Variants in TBX15 observed in about 807,000 individuals in gnomAD.
TBX15 encodes T-box transcription factor TBX15.
TBX15 carries 18 observed loss-of-function variants against 53.9 expected under a neutral mutation model. The ratio of observed to expected loss-of-function variants is 0.33; its 90% confidence interval spans 0.23 to 0.49. TBX15 has a LOEUF of 0.49. TBX15 is among the 20% of genes least tolerant of loss of function. The pLI is 0.98. For synonymous variants in TBX15, 295 were observed against 278.0 expected, an observed-to-expected ratio of 1.06 and a Z score of -0.61; for missense variants, 692 against 749.5, an observed-to-expected ratio of 0.92 and a Z score of 0.90.
intron 6 of TBX15, among the ~76,000 whole-genome samples, chr1:118,904,354 T>C (rs1473581529): frequency 6.6e-6 from 1 of 152,200 alleles, no homozygotes; most frequent in African/African-American, 2.4e-5. Context: ...TCACTGGATC[T>C]GAAATAGAAT....
intron 7 of TBX15, among the ~76,000 whole-genome samples, chr1:118,888,106 T>C (rs1654014001): frequency 6.6e-6 from 1 of 152,204 alleles, no homozygotes; most frequent in Admixed American, 6.5e-5. Flanking sequence ...TATTCCACAA[T>C]TTGAGACAAG....
chr1:118,938,284 G>C lies in TBX15; in HGVS notation c.206-6452C>G, dbSNP rs191253202. 1.7e-4 allele frequency among the ~76,000 whole-genome samples: 26 copies of C among 152,232 alleles called. No homozygotes were observed. In the East Asian group the frequency reaches 4.8e-3, roughly 28 times the overall value. ...CCTCCAAGTTCTATTTGGGAAAAGG[G>C]AGTAACCTGAAGCTTGCAATTCCCA... On this transcript the variant is annotated intron_variant, in intron 1 of 7. Coordinates refer to ENST00000369429, the MANE Select transcript of TBX15 (RefSeq NM_001330677.2).
chr1:118,903,295 G>C (rs114577210), intron 6 of TBX15, among the ~76,000 whole-genome samples: 1,648 of 152,194 alleles, frequency 0.011, 30 homozygotes, highest in African/African-American at 0.038. Context: ...ATTGATGATG[G>C]CTTGAAATCA....
chr1:118,946,013 CT>C (rs1656335657), intron 1 of TBX15, among the ~76,000 whole-genome samples: 1 of 152,054 alleles, frequency 6.6e-6, no homozygotes, highest in Admixed American at 6.6e-5. Flanking sequence ...GCAGATTTCC[CT>C]TTTTATACCA....
intron 6 of TBX15, among the ~76,000 whole-genome samples, chr1:118,901,747 G>T (rs938697598): frequency 6.6e-6 from 1 of 152,034 alleles, no homozygotes; most frequent in Non-Finnish European, 1.5e-5. Flanking sequence ...TCAGTTTTTT[G>T]ATTGATCTGA....
intron 1 of TBX15, 31 bp downstream of exon 1, chr1:118,987,560 C>A: frequency 6.5e-7 from 1 of 1,535,364 alleles, no homozygotes; most frequent in Non-Finnish European, 8.8e-7. Context: ...CCTCTCCGCC[C>A]GCCTCCCGCG....
intron 1 of TBX15, among the ~76,000 whole-genome samples, chr1:118,983,857 G>A (rs985830337): frequency 2.6e-5 from 4 of 152,202 alleles, no homozygotes; most frequent in Non-Finnish European, 5.9e-5. Context: ...CTTGCCCCGC[G>A]CAAACACAAA....
intron 1 of TBX15, among the ~76,000 whole-genome samples, chr1:118,956,768 C>T (rs997866300): frequency 6.1e-5 from 9 of 146,662 alleles, no homozygotes; most frequent in East Asian, 4.1e-4. Flanking sequence ...CTGGCTAACA[C>T]GGTGAAACCC....
chr1:118,926,457 T>C (rs1248420223), intron 3 of TBX15, 53 bp downstream of exon 3: 4 of 1,483,994 alleles, frequency 2.7e-6, no homozygotes, highest in African/African-American at 1.4e-5. Context: ...TTTGAAGAAT[T>C]GTCTTGGAAT....
At chr1:118,901,401 G>A in intron 6 of TBX15, 1 of 456,518 alleles carries the variant, frequency 2.2e-6, no homozygotes, top group Non-Finnish European at 4.4e-6. Flanking sequence ...CCTCTTAAAG[G>A]TCCCATCTCT....
intron 6 of TBX15, among the ~76,000 whole-genome samples, chr1:118,906,954 C>G (rs981130847): frequency 2.6e-5 from 4 of 152,222 alleles, no homozygotes; most frequent in African/African-American, 9.6e-5. Context: ...CCATATAAAA[C>G]AACTTCCTTG....
intron 1 of TBX15, among the ~76,000 whole-genome samples, chr1:118,964,000 A>T (rs1345455787): frequency 6.6e-6 from 1 of 152,186 alleles, no homozygotes; most frequent in Non-Finnish European, 1.5e-5. Flanking sequence ...GACTACAGAC[A>T]TACATCCCAT....
chr1:118,949,048 G>A (rs1254255212), intron 1 of TBX15, among the ~76,000 whole-genome samples: 1 of 152,126 alleles, frequency 6.6e-6, no homozygotes, highest in African/African-American at 2.4e-5. Flanking sequence ...GTCAGCTCTA[G>A]CCATTTGAAT....
At chr1:118,900,417 T>C (rs1654585092) in intron 6 of TBX15, among the ~76,000 whole-genome samples, 1 of 152,184 alleles carries the variant, frequency 6.6e-6, no homozygotes, top group Admixed American at 6.5e-5. Context: ...TCAACAACTA[T>C]AGGATACCCT....
intron 1 of TBX15, among the ~76,000 whole-genome samples, chr1:118,975,172 A>G (rs990069218): frequency 2.0e-5 from 3 of 152,202 alleles, no homozygotes; most frequent in Non-Finnish European, 2.9e-5. Context: ...TACACTTCAG[A>G]CACTGAGATT....
At chr1:118,952,820 T>C (rs1247712182) in intron 1 of TBX15, among the ~76,000 whole-genome samples, 3 of 152,132 alleles carry the variant, frequency 2.0e-5, no homozygotes, top group Non-Finnish European at 4.4e-5. Context: ...GAGACAGAAA[T>C]CAAGTATTTA....
intron 5 of TBX15, among the ~76,000 whole-genome samples, chr1:118,918,279 C>A (rs1377979081): frequency 1.3e-5 from 2 of 152,144 alleles, no homozygotes; most frequent in African/African-American, 2.4e-5. Context: ...CAGGTAGGAA[C>A]CATGTCTATT....
chr1:118,885,614 A>C (rs1053636646), intron 7 of TBX15, 98 bp from the exon 8 acceptor site: 1 of 1,440,514 alleles, frequency 6.9e-7, no homozygotes, highest in South Asian at 1.2e-5. Context: ...TCAAATGTCC[A>C]AGATAGGGCT....
chr1:118,979,690 C>G (rs1035751606), intron 1 of TBX15, among the ~76,000 whole-genome samples: 15 of 152,286 alleles, frequency 9.8e-5, no homozygotes, highest in African/African-American at 3.6e-4. Context: ...AGGGCCTTCC[C>G]GGTTAGCCCA....
Sources: gnomAD v4.1 joint callset for allele counts (sites outside exome capture counted in the v4.1 genomes callset) on GRCh38, gnomAD v4.1.1 for gene constraint, MANE v1.5 for transcripts, NCBI Gene and HGNC (gene_info 2026-07-23, HGNC 2026-07-21) for gene names.